The following XRCC4 variants were observed in gnomAD, a reference collection of about 807,000 sequenced individuals.
The protein encoded by XRCC4 is X-ray repair cross complementing 4, also known as DNA repair protein XRCC4.
In XRCC4, 28 loss-of-function variants were observed where a neutral mutation model predicts 39.1. The ratio of observed to expected loss-of-function variants is 0.72; its 90% CI spans 0.53 to 0.98. The LOEUF is 0.98. Among genes scored for constraint, XRCC4 ranks in the 50% least tolerant of loss-of-function variants. The probability of loss-of-function intolerance (pLI) is 0.00; values close to 1 mark genes in which losing one functional copy is unlikely to be tolerated. For synonymous variants in XRCC4, 123 were observed against 126.4 expected, an observed-to-expected ratio of 0.97 and a Z score of 0.18; for missense variants, 350 against 376.4, an observed-to-expected ratio of 0.93 and a Z score of 0.58.
intron 1 of XRCC4, among the ~76,000 whole-genome samples, chr5:83,100,381 G>A (rs1052917812): frequency 1.1e-4 from 17 of 152,072 alleles, no homozygotes; most frequent in Middle Eastern, 3.4e-3. Flanking sequence ...TGAGATTAAA[G>A]CCCTTTATAT....
chr5:83,177,470 A>G (rs891401133), intron 3 of XRCC4, among the ~76,000 whole-genome samples: 3 of 140,140 alleles, frequency 2.1e-5, no homozygotes, highest in Non-Finnish European at 4.6e-5. Context: ...TTGATTCTTT[A>G]AAAACATATC....
chr5:83,318,018 G>T (rs1476928218), intron 7 of XRCC4, among the ~76,000 whole-genome samples: 1 of 129,288 alleles, frequency 7.7e-6, no homozygotes, highest in East Asian at 2.6e-4. Flanking sequence ...GATCAAGTGG[G>T]CTTCATCCCT....
intron 7 of XRCC4, among the ~76,000 whole-genome samples, chr5:83,286,882 A>G (rs374500162): frequency 6.6e-6 from 1 of 152,182 alleles, no homozygotes; most frequent in African/African-American, 2.4e-5. Flanking sequence ...GTAGTTGAGG[A>G]CTAGATGAAA....
At chr5:83,326,604 A>G (rs950095612) in intron 7 of XRCC4, among the ~76,000 whole-genome samples, 2 of 152,132 alleles carry the variant, frequency 1.3e-5, no homozygotes, top group African/African-American at 4.8e-5. Flanking sequence ...GCTTTGAACT[A>G]CAATATGGTT....
chr5:83,211,149 T>G (rs1428871089), intron 6 of XRCC4, among the ~76,000 whole-genome samples: 5 of 152,242 alleles, frequency 3.3e-5, no homozygotes, highest in African/African-American at 4.8e-5. Context: ...GAACTGTTTA[T>G]TCTTGAAAAA....
chr5:83,144,464 G>T (rs1477037325), intron 3 of XRCC4, among the ~76,000 whole-genome samples: 3 of 151,418 alleles, frequency 2.0e-5, no homozygotes, highest in Non-Finnish European at 4.4e-5. Flanking sequence ...AAATACCCAT[G>T]CATGCATATA....
the XRCC4 span, among the ~76,000 whole-genome samples, chr5:83,373,343 C>G: frequency 6.6e-6 from 1 of 152,068 alleles, no homozygotes; most frequent in Non-Finnish European, 1.5e-5. Context: ...TTTTCCTCAC[C>G]ATAAGAGAAT....
intron 7 of XRCC4, chr5:83,280,337 C>T (rs1286753688): frequency 6.7e-6 from 3 of 444,610 alleles, no homozygotes; most frequent in Admixed American, 3.7e-5. Context: ...TCCTCTATTC[C>T]TGATACTAGA....
chr5:83,267,843 C>G (rs990818726), intron 7 of XRCC4, among the ~76,000 whole-genome samples: 2 of 151,856 alleles, frequency 1.3e-5, no homozygotes, highest in Non-Finnish European at 1.5e-5. Flanking sequence ...AAAACAAACG[C>G]ATGGAGAAAG....
chr5:83,301,227 C>G (rs1325634690), intron 7 of XRCC4, among the ~76,000 whole-genome samples: 1 of 152,198 alleles, frequency 6.6e-6, no homozygotes, highest in Non-Finnish European at 1.5e-5. Flanking sequence ...TTTGCCACAT[C>G]CTCTCCAGCA....
intron 3 of XRCC4, among the ~76,000 whole-genome samples, chr5:83,117,744 AATTTT>A (rs78794628): frequency 0.11 from 11,497 of 105,542 alleles, 649 homozygotes; most frequent in African/African-American, 0.16. Context: ...AAATTAATTT[AATTTT>A]ATTTTAAGTT....
At chr5:83,228,391 G>A (rs1752371785) in intron 6 of XRCC4, among the ~76,000 whole-genome samples, 1 of 151,938 alleles carries the variant, frequency 6.6e-6, no homozygotes. Context: ...TGTGCCTCCA[G>A]AGTTTCTTTC....
chr5:83,362,567 GA>G, the XRCC4 span, among the ~76,000 whole-genome samples: 3 of 151,966 alleles, frequency 2.0e-5, no homozygotes, highest in Admixed American at 6.6e-5. Context: ...AGTAAAAGAA[GA>G]AAAAAGTATA....
rs761686498 is a variant in XRCC4 at position 83,205,039 on chromosome 5, T to C, written c.745+118T>C. Reference sequence around the variant, plus strand: ...AAGACCTTATTCTATGAAAATTCTTTAGCATTTTTATTTTAAAAACTCAAA... The same window carrying C: ...AAGACCTTATTCTATGAAAATTCTTCAGCATTTTTATTTTAAAAACTCAAA... On this transcript the variant is annotated intron_variant, in intron 6 of 7. Transcript: ENST00000396027. 54 of 675,366 alleles carry C rather than the reference T, an allele frequency of 8.0e-5. 1 individual carries two copies. The highest frequency in any genetic ancestry group is 7.1e-4 in the South Asian group (25 of 35,066). 41.8% of individuals were successfully genotyped at this position (675,366 alleles called of 1,614,324 possible). A position where few individuals can be genotyped will look rare whatever the true frequency, so the allele number is the denominator to read the frequency against.
chr5:83,153,163 AT>A (rs1748796176), intron 3 of XRCC4, among the ~76,000 whole-genome samples: 1 of 151,584 alleles, frequency 6.6e-6, no homozygotes, highest in Non-Finnish European at 1.5e-5. Flanking sequence ...ACTCAGCATA[AT>A]TCCCTTGAGA....
chr5:83,310,792 G>T, intron 7 of XRCC4: 1 of 456,660 alleles, frequency 2.2e-6, no homozygotes, highest in Non-Finnish European at 4.4e-6. Flanking sequence ...TTATTAGAGG[G>T]AGGAAGAAGG....
chr5:83,370,953 G>C, the XRCC4 span, among the ~76,000 whole-genome samples: 1 of 151,966 alleles, frequency 6.6e-6, no homozygotes, highest in South Asian at 2.1e-4. Flanking sequence ...GCTTTCCACT[G>C]CCTTCAGTAA....
At chr5:83,151,819 C>T (rs560858096) in intron 3 of XRCC4, among the ~76,000 whole-genome samples, 1 of 152,142 alleles carries the variant, frequency 6.6e-6, no homozygotes, top group Admixed American at 6.6e-5. Context: ...TAACATTAAC[C>T]AAATGTGCAG....
At chr5:83,159,706 T>C (rs1184653021) in intron 3 of XRCC4, among the ~76,000 whole-genome samples, 2 of 152,178 alleles carry the variant, frequency 1.3e-5, no homozygotes, top group Non-Finnish European at 2.9e-5. Flanking sequence ...TAATCAGAAC[T>C]AAAATACATG....
Sources: allele counts gnomAD v4.1 joint callset (sites outside exome capture counted in the v4.1 genomes callset), GRCh38; gene constraint gnomAD v4.1.1; transcripts MANE v1.5; gene names NCBI Gene and HGNC (gene_info 2026-07-23, HGNC 2026-07-21).